The following SEC22C variants were observed in gnomAD, a reference collection of about 807,000 sequenced individuals.
The protein encoded by SEC22C is vesicle-trafficking protein SEC22c.
Under a neutral mutation model 34.7 loss-of-function variants are expected in SEC22C, and 29 were observed. That is an observed-to-expected ratio of 0.84 (90% CI 0.62 to 1.14). The LOEUF (loss-of-function observed/expected upper bound fraction) is 1.14, where lower values mean the gene tolerates loss of function less well. SEC22C is among the 50% of genes most tolerant of loss of function. The pLI, the probability that SEC22C is intolerant of heterozygous loss-of-function variation, is 0.00. For synonymous variants in SEC22C, 117 were observed against 132.8 expected (o/e 0.88, Z 0.82); for missense variants, 337 against 369.0 (o/e 0.91, Z 0.71).
intron 1 of SEC22C, chr3:42,591,018 G>T: frequency 6.5e-7 from 1 of 1,544,802 alleles, no homozygotes; most frequent in East Asian, 2.4e-5. Flanking sequence ...GGGATCCCGA[G>T]GGGCTGCGGG....
Position 42,591,299 on chromosome 3 carries a change from A to G in SEC22C, c.-28+9661T>C, listed in dbSNP as rs543019884. Reference sequence around the variant, plus strand: ...CTGAAACCACCGCTTCCTGGCTTCAAGCGAGTCTCCTGCCTCAGCCTCCTG... The same window carrying G: ...CTGAAACCACCGCTTCCTGGCTTCAGGCGAGTCTCCTGCCTCAGCCTCCTG... On this transcript the variant is annotated intron_variant, in intron 1 of 6. Transcript: ENST00000417572. 1.1e-3 allele frequency: 626 copies of G among 585,574 alleles called. 1 individual carries two copies. The highest frequency in any genetic ancestry group is 1.6e-3 in the Non-Finnish European group (514 of 329,876). The allele number at this position is 585,574 out of a possible 1,614,324, so 36.3% of individuals were successfully genotyped here. A position where few individuals can be genotyped will look rare whatever the true frequency, so the allele number is the denominator to read the frequency against.
upstream of SEC22C, among the ~76,000 whole-genome samples, chr3:42,584,997 T>C (rs1388760524): frequency 6.6e-6 from 1 of 152,032 alleles, no homozygotes; most frequent in Non-Finnish European, 1.5e-5. Flanking sequence ...GGCGTGATGG[T>C]GGACATCTGT....
Position 42,557,670 on chromosome 3 carries a change from T to C in SEC22C, c.553A>G (p.Thr185Ala). 4 of 1,608,538 alleles carry C rather than the reference T, an allele frequency of 2.5e-6. No individual in the cohort carries two copies. Among genetic ancestry groups the C allele is most frequent in the Non-Finnish European group, 3.4e-6 (4 of 1,175,672 alleles). Reference protein sequence around the residue: ...PAPNFRMEPVTALGILSLILN... With the variant: ...PAPNFRMEPVAALGILSLILN... The stretch of plus-strand genomic sequence containing the variant: ...ATGAGGGAGAGGATACCCAGGGCTG[T>C]CACTGGTTCCATTCGGAAATTAGGA... The change falls in exon 5 of 7, where the codon ACA (threonine) becomes GCA (alanine). Residue 185 changes from threonine to alanine, a missense_variant. Transcript: ENST00000264454.
intron 1 of SEC22C, among the ~76,000 whole-genome samples, chr3:42,574,670 A>C (rs1703853132): frequency 6.6e-6 from 1 of 152,186 alleles, no homozygotes; most frequent in Non-Finnish European, 1.5e-5. Flanking sequence ...CAAAGACATA[A>C]AAGGAGGTAA....
rs551548266 is a variant in SEC22C at position 42,591,460 on chromosome 3, C to T, written c.-28+9500G>A. 2.8e-5 allele frequency: 35 copies of T among 1,234,900 alleles called. No individual in the cohort carries two copies. In the South Asian group the frequency reaches 4.2e-4, roughly 15 times the overall value. The allele number at this position is 1,234,900 out of a possible 1,614,324, so 76.5% of individuals were successfully genotyped here. A position where few individuals can be genotyped will look rare whatever the true frequency, so the allele number is the denominator to read the frequency against. Reference sequence around the variant, plus strand: ...CGCCTAGATCGGCCTCCCAAAGGGCCGGGGTTACAGGCGTGAGCCACTGCG... The same window carrying T: ...CGCCTAGATCGGCCTCCCAAAGGGCTGGGGTTACAGGCGTGAGCCACTGCG... On this transcript the variant is annotated intron_variant, in intron 1 of 6. Transcript: ENST00000417572.
rs1329072752 is a variant in SEC22C at position 42,549,096 on chromosome 3, C to T, written c.*4152G>A. On this transcript the variant is annotated 3_prime_UTR_variant, in exon 7 of 7. Coordinates refer to ENST00000264454, the MANE Select transcript of SEC22C (RefSeq NM_032970.4). ...GCTGACTGGTGCACTCTTTCCCTCA[C>T]CTTCTCTCTCAAGGGCACAGCTACA... 1 of 997,846 alleles carries T rather than the reference C, an allele frequency of 1.0e-6. No individual in the cohort carries two copies. The highest frequency in any genetic ancestry group is 1.7e-5 in the African/African-American group (1 of 57,900). 61.8% of individuals were successfully genotyped at this position (997,846 alleles called of 1,614,324 possible).
intron 3 of SEC22C, among the ~76,000 whole-genome samples, chr3:42,562,286 A>G (rs1702972664): frequency 6.6e-6 from 1 of 152,214 alleles, no homozygotes; most frequent in Non-Finnish European, 1.5e-5. Context: ...GCACATGCAG[A>G]GATAAGGGGA....
In SEC22C at chr3:42,566,502, C is replaced by T. The variant is rs371247138; in HGVS notation, c.182+2363G>A. 4.4e-3 allele frequency among the ~76,000 whole-genome samples: 670 copies of T among 151,266 alleles called. 4 individuals are homozygous for T. Among genetic ancestry groups the T allele is most frequent in the African/African-American group, 0.016 (635 of 40,842 alleles). On this transcript the variant is annotated intron_variant, in intron 2 of 6. Transcript: ENST00000264454. ...CCATCCTGGCTAACACGGTGAAACG[C>T]CGTCTCTACTAAAAATACAAAAAAA...
chr3:42,594,274 T>A, intron 1 of SEC22C: 1 of 630,520 alleles, frequency 1.6e-6, no homozygotes, highest in South Asian at 2.1e-5. Context: ...ATATTTTCCT[T>A]AAATATGTTA....
intron 4 of SEC22C, among the ~76,000 whole-genome samples, chr3:42,559,173 A>G (rs946497786): frequency 7.9e-5 from 12 of 152,190 alleles, no homozygotes; most frequent in African/African-American, 2.7e-4. Context: ...TCTTACACTT[A>G]TATTTCACAC....
Position 42,549,146 on chromosome 3 carries a change from T to C in SEC22C, c.*4102A>G, listed in dbSNP as rs1056334006. The C allele has an allele frequency of 8.1e-6, 8 of 991,662 alleles. No individual in the cohort carries two copies. In the African/African-American group the frequency reaches 1.4e-4, roughly 17 times the overall value. The allele number at this position is 991,662 out of a possible 1,614,324, so 61.4% of individuals were successfully genotyped here. A position where few individuals can be genotyped will look rare whatever the true frequency, so the allele number is the denominator to read the frequency against. ...ACTCTTTCTCCACCATTATTAACAC[T>C]CACAGGGCACAGGTAGAGCGTCCCC... On this transcript the variant is annotated 3_prime_UTR_variant, in exon 7 of 7. Transcript: ENST00000264454.
At chr3:42,584,986 G>A (rs570147304), upstream of SEC22C, among the ~76,000 whole-genome samples, 60 of 152,148 alleles carry the variant, frequency 3.9e-4, 1 homozygote, top group African/African-American at 8.7e-4. Flanking sequence ...AAAATTAGCC[G>A]GGCGTGATGG....
At chr3:42,576,033 C>A (rs1207044214) in intron 1 of SEC22C, among the ~76,000 whole-genome samples, 1 of 151,808 alleles carries the variant, frequency 6.6e-6, no homozygotes, top group Non-Finnish European at 1.5e-5. Flanking sequence ...ACAGTGTAAT[C>A]AAATTATAAA....
intron 1 of SEC22C, among the ~76,000 whole-genome samples, chr3:42,578,247 G>C (rs1261685360): frequency 6.6e-6 from 1 of 152,088 alleles, no homozygotes; most frequent in Non-Finnish European, 1.5e-5. Context: ...AATAAACTAT[G>C]GTCCTGGTAC....
chr3:42,591,961 CT>C lies in SEC22C; in HGVS notation c.-28+8998del, dbSNP rs148352993. ...TCTCATCTTGGATCCCTGCCTCATC[CT>C]TTCTCTGTTAAGTGAAGGGGTCAGG... On this transcript the variant is annotated intron_variant, in intron 1 of 6. Coordinates refer to the SEC22C transcript ENST00000417572. Among the ~76,000 whole-genome samples the C allele has an allele frequency of 1.0e-3, 159 of 152,310 alleles. 1 individual carries two copies. In the East Asian group the frequency reaches 0.026, roughly 25 times the overall value.
In SEC22C at chr3:42,591,488, C is replaced by T. The variant is rs756830222; in HGVS notation, c.-28+9472G>A. ...GGTTACAGGCGTGAGCCACTGCGCC[C>T]GGCCTGCACTGACCCTTTCTTTCTC... On this transcript the variant is annotated intron_variant, in intron 1 of 6. Transcript: ENST00000417572. 45 of 1,537,118 alleles carry T rather than the reference C, an allele frequency of 2.9e-5. 1 individual carries two copies. In the South Asian group the frequency reaches 4.5e-4, roughly 15 times the overall value.
intron 1 of SEC22C, among the ~76,000 whole-genome samples, chr3:42,570,678 TG>T (rs1427572298): frequency 1.3e-5 from 2 of 152,114 alleles, no homozygotes; most frequent in Non-Finnish European, 2.9e-5. Context: ...GAAGACACTG[TG>T]GGTTTTACAG....
chr3:42,550,831 A>G lies in SEC22C; in HGVS notation c.*2417T>C, dbSNP rs949114826. 4.1e-6 allele frequency: 4 copies of G among 984,618 alleles called. No homozygotes were observed. The highest frequency in any genetic ancestry group is 1.8e-5 in the African/African-American group (1 of 56,884). 61.0% of individuals were successfully genotyped at this position (984,618 alleles called of 1,614,324 possible). A position where few individuals can be genotyped will look rare whatever the true frequency, so the allele number is the denominator to read the frequency against. On this transcript the variant is annotated 3_prime_UTR_variant, in exon 7 of 7. Coordinates refer to ENST00000264454, the MANE Select transcript of SEC22C (RefSeq NM_032970.4). ...ACATGGCAACCCAATGCCACATAGG[A>G]AAAGAAAACAGTCCATTTTTAAGCC...
intron 6 of SEC22C, among the ~76,000 whole-genome samples, chr3:42,554,858 G>A (rs1260674767): frequency 1.3e-5 from 2 of 152,062 alleles, no homozygotes; most frequent in Non-Finnish European, 2.9e-5. Context: ...GCCTCTTTAT[G>A]CCACCCCTTA....
Sources: gnomAD v4.1 joint callset for allele counts (sites outside exome capture counted in the v4.1 genomes callset) on GRCh38, gnomAD v4.1.1 for gene constraint, MANE v1.5 for transcripts, NCBI Gene and HGNC (gene_info 2026-07-23, HGNC 2026-07-21) for gene names.